Variants in CEP120 observed in about 807,000 individuals in gnomAD.
CEP120 encodes centrosomal protein 120.
CEP120 carries 113 observed loss-of-function variants against 126.5 expected under a neutral mutation model. That is an observed-to-expected ratio of 0.89 (90% CI 0.77 to 1.04). CEP120 has a LOEUF of 1.04. CEP120 is among the 50% of genes least tolerant of loss of function. The probability of loss-of-function intolerance (pLI) is 0.00; values close to 1 mark genes in which losing one functional copy is unlikely to be tolerated. For missense variants in CEP120, 1,230 were observed against 1,155.7 expected, an observed-to-expected ratio of 1.06 and a Z score of -0.93; for synonymous variants, 400 against 394.3, an observed-to-expected ratio of 1.01 and a Z score of -0.17.
intron 4 of CEP120, among the ~76,000 whole-genome samples, chr5:123,405,800 T>C (rs1580727212): frequency 6.7e-6 from 1 of 149,730 alleles, no homozygotes; most frequent in Non-Finnish European, 1.5e-5. Context: ...CAACAAAAAA[T>C]TGCAAGGCAT....
rs1768785093 is a variant in CEP120, at chr5:123,345,976, CTGTCACCCAACA to C, written c.*531_*542del. On this transcript the variant is annotated 3_prime_UTR_variant, in exon 20 of 20. Transcript: ENST00000306467. ...AACTTTATTTAAATAAATGACCAATCTGTCACCCAACATGTCATGTGGCTTCTCTGCACTGAT... is the reference window on the plus strand; with the variant it reads ...AACTTTATTTAAATAAATGACCAATCTGTCATGTGGCTTCTCTGCACTGAT... The C allele has an allele frequency of 6.6e-6, 1 of 152,404 alleles. No homozygotes were observed. Among genetic ancestry groups the C allele is most frequent in the East Asian group, 1.9e-4 (1 of 5,200 alleles). The allele number at this position is 152,404 out of a possible 1,614,324, so 9.4% of individuals were successfully genotyped here. A position where few individuals can be genotyped will look rare whatever the true frequency, so the allele number is the denominator to read the frequency against.
chr5:123,399,331 A>T, intron 4 of CEP120, 47 bp from the exon 5 acceptor site: 3 of 1,571,338 alleles, frequency 1.9e-6, no homozygotes, highest in Non-Finnish European at 1.7e-6. Context: ...TTTGTCATAA[A>T]CCATTATAAG....
chr5:123,400,936 C>G, intron 4 of CEP120: 1 of 1,554,460 alleles, frequency 6.4e-7, no homozygotes, highest in Non-Finnish European at 8.8e-7. Context: ...GGCAGGACGT[C>G]AGAGGACTCG....
rs1433494451 is a variant in CEP120, at chr5:123,423,021, G to A, written c.-23C>T. 1 of 1,611,288 alleles carries A rather than the reference G, an allele frequency of 6.2e-7. No homozygotes were observed. Among genetic ancestry groups the A allele is most frequent in the Non-Finnish European group, 8.5e-7 (1 of 1,177,680 alleles). ...CATGGTTGCGGTGAGCGGTCCGGGG[G>A]CGAAGGCGGCTGGGGGGAAGTGAGG... On this transcript the variant is annotated 5_prime_UTR_variant, in exon 1 of 20. Transcript: ENST00000306467.
At chr5:123,374,542 A>T (rs921592414) in intron 16 of CEP120, among the ~76,000 whole-genome samples, 3 of 152,136 alleles carry the variant, frequency 2.0e-5, no homozygotes, top group Non-Finnish European at 4.4e-5. Flanking sequence ...TACCGCTATG[A>T]CTATCCATCA....
At chr5:123,378,677 A>G (rs1771432678) in intron 14 of CEP120, among the ~76,000 whole-genome samples, 1 of 152,114 alleles carries the variant, frequency 6.6e-6, no homozygotes, top group African/African-American at 2.4e-5. Context: ...TGTTATTCAC[A>G]TATTATGATT....
At position 123,386,676 on chromosome 5, in the gene CEP120, T is replaced by TTA. The variant is rs200329211; in HGVS notation, c.1431-10_1431-9insTA. The TTA allele has an allele frequency of 9.8e-6, 6 of 611,074 alleles. No homozygotes were observed. The Admixed American group carries it at 1.9e-4, about 19-fold the overall frequency. 37.9% of individuals were successfully genotyped at this position (611,074 alleles called of 1,614,324 possible). ...AGAATGGATATGAGTACCTAGAATT[T>TTA]AAAAAAAAAAAAAAAAAAAAAAGCC... is the stretch of plus-strand genomic sequence containing the variant. On this transcript the variant is annotated splice_polypyrimidine_tract_variant and intron_variant, in intron 9 of 19. Transcript: ENST00000306467.
chr5:123,355,629 G>A (rs1336451019), intron 18 of CEP120, among the ~76,000 whole-genome samples: 1 of 151,796 alleles, frequency 6.6e-6, no homozygotes, highest in East Asian at 1.9e-4. Flanking sequence ...TTTTTGATGG[G>A]GTTGTTTTTT....
chr5:123,391,075 T>C (rs372501209), intron 7 of CEP120, 35 bp downstream of exon 7: 91 of 1,516,818 alleles, frequency 6.0e-5, no homozygotes, highest in Non-Finnish European at 8.0e-5. Context: ...ATGGGACTAG[T>C]GAAGCCAGGG....
In CEP120 at chr5:123,415,998, A is replaced by G. The variant is rs775831661; in HGVS notation, c.321+12T>C. 2 of 1,551,688 alleles carry G rather than the reference A, an allele frequency of 1.3e-6. No individual in the cohort carries two copies. The highest frequency in any genetic ancestry group is 2.2e-5 in the South Asian group (2 of 89,136). On this transcript the variant is annotated intron_variant, in intron 3 of 19. Transcript: ENST00000306467. ...TAACATAATCATTAGCAAAACATCA[A>G]AAGGGCAATACCTGCTTTGTTTCTT...
chr5:123,420,180 C>T (rs1264557862), intron 1 of CEP120, among the ~76,000 whole-genome samples: 3 of 152,158 alleles, frequency 2.0e-5, no homozygotes, highest in African/African-American at 7.2e-5. Context: ...TCTGCTGCTC[C>T]AAAAGATACC....
intron 7 of CEP120, 159 bp downstream of exon 7, chr5:123,390,951 C>T (rs1363116252): frequency 1.6e-6 from 1 of 610,776 alleles, no homozygotes; most frequent in Non-Finnish European, 2.9e-6. Flanking sequence ...TAACAGAAGT[C>T]ACAGCACTTT....
chr5:123,403,712 A>T (rs1045270940), intron 4 of CEP120: 1 of 424,198 alleles, frequency 2.4e-6, no homozygotes, highest in African/African-American at 2.1e-5. Context: ...ATGCAATGGG[A>T]AGAACGTGGC....
intron 16 of CEP120, among the ~76,000 whole-genome samples, chr5:123,374,703 G>A (rs947018060): frequency 2.6e-5 from 4 of 152,048 alleles, no homozygotes; most frequent in African/African-American, 9.7e-5. Context: ...CCATACATGA[G>A]AACTGTCCAT....
At chr5:123,394,746 T>C (rs1772653020) in intron 5 of CEP120, among the ~76,000 whole-genome samples, 1 of 152,226 alleles carries the variant, frequency 6.6e-6, no homozygotes, top group Admixed American at 6.5e-5. Context: ...TATTCATGTT[T>C]AAGTGAGGAG....
chr5:123,423,694 A>G (rs1774875291), upstream of CEP120: 1 of 152,246 alleles, frequency 6.6e-6, no homozygotes, highest in Admixed American at 6.5e-5. Context: ...GGGATTAAAA[A>G]AACAAAAAAA....
intron 1 of CEP120, 108 bp downstream of exon 1, chr5:123,422,842 C>A: frequency 9.3e-7 from 1 of 1,080,974 alleles, no homozygotes; most frequent in Non-Finnish European, 1.4e-6. Flanking sequence ...GTGGGGACCA[C>A]AAAAGCACAG....
chr5:123,367,314 T>C (rs1384224422), intron 17 of CEP120, among the ~76,000 whole-genome samples: 1 of 151,958 alleles, frequency 6.6e-6, no homozygotes, highest in Non-Finnish European at 1.5e-5. Flanking sequence ...GTTCTTTCAA[T>C]ATATCTTCAG....
chr5:123,393,584 G>T (rs1403643186), intron 5 of CEP120, 87 bp from the exon 6 acceptor site: 6 of 1,126,926 alleles, frequency 5.3e-6, no homozygotes, highest in Admixed American at 4.7e-5. Flanking sequence ...AAAAACATTT[G>T]CTAAAATGTT....
Sources: allele counts gnomAD v4.1 joint callset (sites outside exome capture counted in the v4.1 genomes callset), GRCh38; gene constraint gnomAD v4.1.1; transcripts MANE v1.5; gene names NCBI Gene and HGNC (gene_info 2026-07-23, HGNC 2026-07-21).